PLCL1: variants seen among roughly 807,000 people sequenced by gnomAD.
The protein encoded by PLCL1 is inactive phospholipase C-like protein 1.
PLCL1 carries 41 observed loss-of-function variants against 84.4 expected under a neutral mutation model. The observed-to-expected ratio is 0.49, with a 90% CI of 0.38 to 0.63. The LOEUF is 0.63. PLCL1 is among the 30% of genes least tolerant of loss of function. PLCL1 has a pLI of 0.00. For missense variants in PLCL1, 1,206 were observed against 1,367.8 expected (o/e 0.88, Z 1.87); for synonymous variants, 490 against 488.3 (o/e 1.00, Z -0.05).
intron 1 of PLCL1, among the ~76,000 whole-genome samples, chr2:198,073,682 T>G (rs75166935): frequency 6.6e-6 from 1 of 152,212 alleles, no homozygotes; most frequent in Non-Finnish European, 1.5e-5. Flanking sequence ...TATGGAAAAC[T>G]CAGAGATTGC....
intron 1 of PLCL1, among the ~76,000 whole-genome samples, chr2:197,815,637 C>CA (rs1365729978): frequency 6.6e-6 from 1 of 152,072 alleles, no homozygotes; most frequent in Non-Finnish European, 1.5e-5. Context: ...GGAAAGGATT[C>CA]ACCATTCCAG....
At chr2:197,869,190 A>G (rs1305921983) in intron 1 of PLCL1, among the ~76,000 whole-genome samples, 1 of 152,166 alleles carries the variant, frequency 6.6e-6, no homozygotes, top group Non-Finnish European at 1.5e-5. Context: ...GCAGTAAGTA[A>G]CTGAGTTTGA....
At chr2:197,890,422 T>G (rs942491508) in intron 1 of PLCL1, among the ~76,000 whole-genome samples, 1 of 152,074 alleles carries the variant, frequency 6.6e-6, no homozygotes, top group African/African-American at 2.4e-5. Flanking sequence ...CCTTTGGAAA[T>G]CCCTGTCCTT....
rs909454544 is a variant in PLCL1 at position 197,923,617 on chromosome 2, G to A, written c.240+118278G>A. The stretch of plus-strand genomic sequence containing the variant: ...GATGTGATGGCGGCTGGGAAGAGGC[G>A]CTCCTCACTTCCTAGATGGGATGGC... On this transcript the variant is annotated intron_variant, in intron 1 of 5. Transcript: ENST00000428675. Among the ~76,000 whole-genome samples, 6 of 148,070 alleles carry A rather than the reference G, an allele frequency of 4.1e-5. No individual in the cohort carries two copies. In the East Asian group the frequency reaches 6.2e-4, roughly 15 times the overall value.
intron 1 of PLCL1, among the ~76,000 whole-genome samples, chr2:197,814,233 C>T (rs910370798): frequency 5.3e-5 from 8 of 152,022 alleles, no homozygotes; most frequent in East Asian, 1.9e-4. Flanking sequence ...GGTGGCATTT[C>T]GTGTCTCATT....
intron 1 of PLCL1, among the ~76,000 whole-genome samples, chr2:197,985,417 C>T (rs1236921174): frequency 6.6e-6 from 1 of 152,094 alleles, no homozygotes; most frequent in Non-Finnish European, 1.5e-5. Flanking sequence ...TGAATTCTTA[C>T]CCAGTTTAGT....
At chr2:197,920,697 C>T (rs1465688217) in intron 1 of PLCL1, among the ~76,000 whole-genome samples, 1 of 152,148 alleles carries the variant, frequency 6.6e-6, no homozygotes, top group East Asian at 1.9e-4. Flanking sequence ...GTCTTGTGCC[C>T]TCTGAAGAAT....
intron 1 of PLCL1, among the ~76,000 whole-genome samples, chr2:197,884,441 AC>A (rs1375929604): frequency 6.6e-6 from 1 of 152,196 alleles, no homozygotes; most frequent in African/African-American, 2.4e-5. Flanking sequence ...TAGCAATATA[AC>A]CTCACGTAGC....
chr2:198,040,253 T>G (rs1254764497), intron 1 of PLCL1, among the ~76,000 whole-genome samples: 3 of 152,126 alleles, frequency 2.0e-5, no homozygotes, highest in Non-Finnish European at 2.9e-5. Flanking sequence ...CCGTGGACAT[T>G]AGTGCATTTG....
intron 5 of PLCL1, among the ~76,000 whole-genome samples, chr2:198,114,654 G>T (rs746805633): frequency 1.3e-5 from 2 of 151,678 alleles, no homozygotes; most frequent in Non-Finnish European, 2.9e-5. Context: ...GTTTCATTCT[G>T]GTTCCTTACA....
At chr2:198,134,906 T>C (rs189909838) in intron 5 of PLCL1, among the ~76,000 whole-genome samples, 95 of 152,332 alleles carry the variant, frequency 6.2e-4, no homozygotes, top group Admixed American at 5.8e-3. Flanking sequence ...TTTGCACTTT[T>C]GTTCTGGCAT....
intron 2 of PLCL1, among the ~76,000 whole-genome samples, chr2:198,088,161 G>A (rs577628082): frequency 1.1e-4 from 16 of 152,176 alleles, no homozygotes; most frequent in African/African-American, 3.9e-4. Context: ...AAGTGTTATA[G>A]ATAAAGTGTA....
At chr2:197,957,774 C>A (rs1211251037) in intron 1 of PLCL1, among the ~76,000 whole-genome samples, 1 of 151,954 alleles carries the variant, frequency 6.6e-6, no homozygotes, top group Non-Finnish European at 1.5e-5. Context: ...TTTGCCCATG[C>A]CCTTCCTTAT....
intron 1 of PLCL1, among the ~76,000 whole-genome samples, chr2:197,809,431 G>T (rs138840286): frequency 6.6e-6 from 1 of 152,302 alleles, no homozygotes; most frequent in Admixed American, 6.5e-5. Flanking sequence ...AGAAGAGTAC[G>T]CATCTTAGGT....
chr2:198,116,521 G>A (rs1693752926), intron 5 of PLCL1, among the ~76,000 whole-genome samples: 1 of 151,616 alleles, frequency 6.6e-6, no homozygotes, highest in African/African-American at 2.4e-5. Flanking sequence ...GTATGCCCTT[G>A]GAGTTTTAAA....
At chr2:197,967,891 A>C (rs1404998087) in intron 1 of PLCL1, among the ~76,000 whole-genome samples, 1 of 152,194 alleles carries the variant, frequency 6.6e-6, no homozygotes, top group African/African-American at 2.4e-5. Flanking sequence ...AAGCTAGAAA[A>C]GTTATTGTCA....
intron 5 of PLCL1, 50 bp downstream of exon 5, chr2:198,103,986 A>G: frequency 1.2e-6 from 1 of 850,056 alleles, no homozygotes; most frequent in Non-Finnish European, 1.9e-6. Context: ...TCTTCTCCTC[A>G]TCTCTCCAAT....
Position 197,870,531 on chromosome 2 carries a change from A to T in PLCL1, c.240+65192A>T, listed in dbSNP as rs145942097. On this transcript the variant is annotated intron_variant, in intron 1 of 5. Coordinates refer to ENST00000428675, the MANE Select transcript of PLCL1 (RefSeq NM_006226.4). ...CTGATGCATATTTGGGAACCTCTGC[A>T]CAGGCCTCCTAAGTATCATTACCCC... is the stretch of plus-strand genomic sequence containing the variant. Among the ~76,000 whole-genome samples the T allele has an allele frequency of 4.5e-4, 68 of 152,176 alleles. 2 individuals are homozygous for T. The South Asian group carries it at 1.0e-2, about 22-fold the overall frequency.
In PLCL1 at chr2:198,098,568, T is replaced by C. The variant is rs139955807; in HGVS notation, c.2920-2717T>C. 2.8e-4 allele frequency among the ~76,000 whole-genome samples: 43 copies of C among 152,238 alleles called. 1 individual carries two copies. The East Asian group carries it at 8.1e-3, about 29-fold the overall frequency. On this transcript the variant is annotated intron_variant, in intron 3 of 5. Transcript: ENST00000428675. The stretch of plus-strand genomic sequence containing the variant: ...AAGCAAGCTAAGTTTTAGCTCAGGG[T>C]TTTCAACTATAAAATGTGGTTGTCC...
Sources: gnomAD v4.1 joint callset for allele counts (sites outside exome capture counted in the v4.1 genomes callset) on GRCh38, gnomAD v4.1.1 for gene constraint, MANE v1.5 for transcripts, NCBI Gene and HGNC (gene_info 2026-07-23, HGNC 2026-07-21) for gene names.